Variants in PM20D1 observed in about 807,000 individuals in gnomAD.
PM20D1 encodes the protein N-fatty-acyl-amino acid synthase/hydrolase PM20D1.
In PM20D1, 53 loss-of-function variants were observed where a neutral mutation model predicts 53.8. That is an observed-to-expected ratio of 0.98 (90% confidence interval 0.79 to 1.24). PM20D1 has a LOEUF of 1.24. Ranked by LOEUF, PM20D1 falls within the 50% of genes most tolerant of loss-of-function variation. The pLI is 0.00. For missense variants in PM20D1, 564 were observed against 616.8 expected, an observed-to-expected ratio of 0.91 and a Z score of 0.91; for synonymous variants, 239 against 241.3, an observed-to-expected ratio of 0.99 and a Z score of 0.09.
At position 205,842,186 on chromosome 1, in the gene PM20D1, G is replaced by T; in HGVS notation, c.933C>A (p.Ser311Arg). The change falls in exon 8 of 13, where the codon AGC becomes AGA. Residue 311 changes from serine (S) to arginine (R), a missense_variant. Coordinates refer to ENST00000367136, the MANE Select transcript of PM20D1 (RefSeq NM_152491.5). Reference protein sequence around the residue: ...EFPFPVNIILSNPWLFEPLIS... With the variant: ...EFPFPVNIILRNPWLFEPLIS... The stretch of plus-strand genomic sequence containing the variant: ...TAAGTGGTTCAAATAGCCATGGGTT[G>T]CTCAGGATTATATTGACAGGGAAGG... 1 of 1,613,352 alleles carries T rather than the reference G, an allele frequency of 6.2e-7. No homozygotes were observed. The highest frequency in any genetic ancestry group is 1.3e-5 in the African/African-American group (1 of 75,014).
Position 205,832,469 on chromosome 1 carries a change from CTCA to C in PM20D1, c.1285+126_1285+128del, listed in dbSNP as rs909176418. On this transcript the variant is annotated intron_variant, in intron 11 of 12. Coordinates refer to ENST00000367136, the MANE Select transcript of PM20D1 (RefSeq NM_152491.5). Reference sequence around the variant, plus strand: ...TCTGAAGGGAAAATACAGTTCTAGTCTCATCAGGAGGGGAAGCAGCCAGCTGTT... The same window carrying C: ...TCTGAAGGGAAAATACAGTTCTAGTCTCAGGAGGGGAAGCAGCCAGCTGTT... The C allele has an allele frequency of 3.1e-6, 3 of 961,876 alleles. No homozygotes were observed. The African/African-American group carries it at 5.0e-5, about 16-fold the overall frequency. The allele number at this position is 961,876 out of a possible 1,614,324, so 59.6% of individuals were successfully genotyped here.
intron 10 of PM20D1, among the ~76,000 whole-genome samples, chr1:205,834,002 T>C (rs61822639): frequency 2.5e-4 from 34 of 133,910 alleles, no homozygotes; most frequent in Middle Eastern, 5.7e-3. Flanking sequence ...CATGCACCAC[T>C]ATGCCTGACT....
chr1:205,838,006 A>G (rs901717849), intron 10 of PM20D1, among the ~76,000 whole-genome samples: 1 of 151,504 alleles, frequency 6.6e-6, no homozygotes, highest in African/African-American at 2.4e-5. Flanking sequence ...CACTCCCCCA[A>G]CCCCCTCAAT....
Position 205,828,415 on chromosome 1 carries a change from G to C in PM20D1, c.*205C>G, listed in dbSNP as rs978331980. ...AAATGCCAGTGGATCAAGGGATGCA[G>C]ATGTCGGGAGGAAGGGAGAAGCCAG... On this transcript the variant is annotated 3_prime_UTR_variant, in exon 13 of 13. Transcript: ENST00000367136. The C allele has an allele frequency of 5.0e-6, 3 of 595,404 alleles. No individual in the cohort carries two copies. In the African/African-American group the frequency reaches 5.6e-5, roughly 11 times the overall value. 36.9% of individuals were successfully genotyped at this position (595,404 alleles called of 1,614,324 possible). A position where few individuals can be genotyped will look rare whatever the true frequency, so the allele number is the denominator to read the frequency against.
At chr1:205,843,866 C>T (rs757898332) in intron 5 of PM20D1, 80 bp from the exon 6 acceptor site, 6 of 1,549,186 alleles carry the variant, frequency 3.9e-6, no homozygotes, top group Non-Finnish European at 5.2e-6. Context: ...TCCATCTGTG[C>T]AATAGTCTAG....
chr1:205,837,534 C>T (rs1256935135), intron 10 of PM20D1, among the ~76,000 whole-genome samples: 2 of 152,196 alleles, frequency 1.3e-5, no homozygotes, highest in East Asian at 1.9e-4. Flanking sequence ...GGCCTGTGTT[C>T]CTGCTGGATC....
chr1:205,843,607 G>T lies in PM20D1; in HGVS notation c.827+60C>A, dbSNP rs748933413. 15 of 1,560,632 alleles carry T rather than the reference G, an allele frequency of 9.6e-6. No homozygotes were observed. In the Admixed American group the frequency reaches 1.4e-4, roughly 14 times the overall value. ...GCTTAGCCTCCTCAAATTTAAAGTG[G>T]GAAAGTGCCAGGGCTTCCATCTCAA... is the stretch of plus-strand genomic sequence containing the variant. On this transcript the variant is annotated intron_variant, in intron 6 of 12. Coordinates refer to ENST00000367136, the MANE Select transcript of PM20D1 (RefSeq NM_152491.5).
Position 205,842,714 on chromosome 1 carries a change from CG to C in PM20D1, c.864del (p.Ser288ArgfsTer5). 2 of 1,614,106 alleles carry C rather than the reference CG, an allele frequency of 1.2e-6. No homozygotes were observed. The highest frequency in any genetic ancestry group is 1.7e-6 in the Non-Finnish European group (2 of 1,180,030). ...EQTPMPIIFG[S>X]GTVVTVLQQL... ...TGCTGCAATACAGTCACCACTGTCC[CG>C]CTTCCAAATATGATAGGCATTGGTG... is the stretch of plus-strand genomic sequence containing the variant. On this transcript the variant is annotated frameshift_variant, in exon 7 of 13. Transcript: ENST00000367136. LOFTEE classifies it high-confidence loss of function.
Position 205,841,902 on chromosome 1 carries a change from G to T in PM20D1, c.966-13C>A. 1 of 1,554,142 alleles carries T rather than the reference G, an allele frequency of 6.4e-7. No individual in the cohort carries two copies. The highest frequency in any genetic ancestry group is 2.4e-5 in the East Asian group (1 of 41,292). The stretch of plus-strand genomic sequence containing the variant: ...TCTCTCCATAAACCTAAAACAAAAG[G>T]ACCAAGGTCAGATGTTAGAAAGAAC... On this transcript the variant is annotated splice_polypyrimidine_tract_variant and intron_variant, in intron 8 of 12. Transcript: ENST00000367136.
At chr1:205,842,278 T>C (rs1656829919) in intron 7 of PM20D1, 63 bp from the exon 8 acceptor site, 28 of 1,443,228 alleles carry the variant, frequency 1.9e-5, no homozygotes, top group Admixed American at 3.3e-5. Context: ...CTCTGAGACC[T>C]GAGTCTCTCT....
intron 11 of PM20D1, among the ~76,000 whole-genome samples, chr1:205,832,140 G>GGGGT (rs1205948359): frequency 1.3e-5 from 2 of 152,188 alleles, no homozygotes; most frequent in African/African-American, 4.8e-5. Context: ...GGGGAACAGA[G>GGGGT]GGGTGCTGCT....
intron 2 of PM20D1, among the ~76,000 whole-genome samples, chr1:205,846,257 G>A (rs539515232): frequency 2.0e-5 from 3 of 152,046 alleles, no homozygotes; most frequent in South Asian, 2.1e-4. Context: ...GTGGTGGCAC[G>A]TACTTGTAAT....
chr1:205,842,325 G>A (rs1656831157), intron 7 of PM20D1, 110 bp from the exon 8 acceptor site: 3 of 962,326 alleles, frequency 3.1e-6, no homozygotes, highest in Admixed American at 3.6e-5. Context: ...TTAGCAGTCA[G>A]GAGTGCTGCT....
At chr1:205,846,543 TTATTA>T (rs1656989101) in intron 2 of PM20D1, among the ~76,000 whole-genome samples, 1 of 152,214 alleles carries the variant, frequency 6.6e-6, no homozygotes, top group African/African-American at 2.4e-5. Flanking sequence ...TTATATTAAA[TTATTA>T]TATTAAATTA....
Position 205,828,568 on chromosome 1 carries a change from G to A in PM20D1, c.*52C>T. The A allele has an allele frequency of 6.2e-7, 1 of 1,608,328 alleles. No individual in the cohort carries two copies. Among genetic ancestry groups the A allele is most frequent in the Non-Finnish European group, 8.5e-7 (1 of 1,177,558 alleles). On this transcript the variant is annotated 3_prime_UTR_variant, in exon 13 of 13. Transcript: ENST00000367136. Reference sequence around the variant, plus strand: ...TCATCAACACTAGCTTTCCCCCTTGGGTTAGTCCTGTCCCGGGGTCGGGCA... The same window carrying A: ...TCATCAACACTAGCTTTCCCCCTTGAGTTAGTCCTGTCCCGGGGTCGGGCA...
At position 205,845,464 on chromosome 1, in the gene PM20D1, A is replaced by G; in HGVS notation, c.350T>C (p.Leu117Ser). The change falls in exon 3 of 13, where the codon TTG becomes TCG. Residue 117 changes from leucine to serine, a missense_variant. Transcript: ENST00000367136. ...LFTIQGSDPS[L>S]QPYLLMAHFD... The stretch of plus-strand genomic sequence containing the variant: ...GTGAGCCATCAGCAGGTAGGGCTGC[A>G]AGCTGGGGTCCGAGCCTTGGATAGT... 6.2e-7 allele frequency: 1 copy of G among 1,614,240 alleles called. No homozygotes were observed. Among genetic ancestry groups the G allele is most frequent in the Non-Finnish European group, 8.5e-7 (1 of 1,180,046 alleles).
In PM20D1 at chr1:205,832,664, A is replaced by G; in HGVS notation, c.1219T>C (p.Leu407=). The change falls in exon 11 of 13, where the codon TTG becomes CTG. Residue 407 remains leucine (L), a synonymous_variant. Coordinates refer to ENST00000367136, the MANE Select transcript of PM20D1 (RefSeq NM_152491.5). ...LPVSPSDDKA[L]GYQLLRQTVQ... ...GTCTGGCGGAGCAGCTGGTAGCCCAAGGCCTTGTCATCAGAAGGGCTGACG... is the reference window on the plus strand; with the variant it reads ...GTCTGGCGGAGCAGCTGGTAGCCCAGGGCCTTGTCATCAGAAGGGCTGACG... 1 of 1,614,166 alleles carries G rather than the reference A, an allele frequency of 6.2e-7. No homozygotes were observed. The highest frequency in any genetic ancestry group is 8.5e-7 in the Non-Finnish European group (1 of 1,180,014).
intron 11 of PM20D1, among the ~76,000 whole-genome samples, chr1:205,830,932 C>G (rs1359977131): frequency 6.6e-6 from 1 of 152,224 alleles, no homozygotes; most frequent in Non-Finnish European, 1.5e-5. Flanking sequence ...ACTTCTTTAT[C>G]ACCTGACCTT....
At chr1:205,833,423 TC>T (rs1372413677) in intron 10 of PM20D1, among the ~76,000 whole-genome samples, 1 of 152,196 alleles carries the variant, frequency 6.6e-6, no homozygotes, top group Non-Finnish European at 1.5e-5. Context: ...CACACTTTTT[TC>T]CCCCTCTCTG....
Sources: allele counts gnomAD v4.1 joint callset (sites outside exome capture counted in the v4.1 genomes callset), GRCh38; gene constraint gnomAD v4.1.1; transcripts MANE v1.5; gene names NCBI Gene and HGNC (gene_info 2026-07-23, HGNC 2026-07-21).